Variants in ARRB1 observed in about 807,000 individuals in gnomAD.
ARRB1 encodes the protein beta-arrestin-1.
ARRB1 carries 21 observed loss-of-function variants against 56.8 expected under a neutral mutation model. The ratio of observed to expected loss-of-function variants is 0.37; its 90% CI spans 0.26 to 0.53. ARRB1 has a LOEUF of 0.53. Among genes scored for constraint, ARRB1 ranks in the 20% least tolerant of loss-of-function variants. ARRB1 has a pLI of 0.88. For missense variants in ARRB1, 424 were observed against 553.7 expected (o/e 0.77, Z 2.35); for synonymous variants, 210 against 218.6 (o/e 0.96, Z 0.35).
At chr11:75,296,185 C>CAAAAAAAAAAAAAAAAAAA (rs11428462) in intron 1 of ARRB1, among the ~76,000 whole-genome samples, 1 of 84,886 alleles carries the variant, frequency 1.2e-5, no homozygotes, top group Non-Finnish European at 2.2e-5. Context: ...GACTTTGTCT[C>CAAAAAAAAAAAAAAAAAAA]AAAAAAAAAA....
At chr11:75,298,444 G>A (rs1946815738) in intron 1 of ARRB1, among the ~76,000 whole-genome samples, 1 of 152,098 alleles carries the variant, frequency 6.6e-6, no homozygotes, top group Non-Finnish European at 1.5e-5. Flanking sequence ...CTAAACACAT[G>A]AAAAGATGTT....
chr11:75,273,507 G>A (rs1484002251), intron 11 of ARRB1, among the ~76,000 whole-genome samples: 1 of 152,186 alleles, frequency 6.6e-6, no homozygotes, highest in Non-Finnish European at 1.5e-5. Flanking sequence ...GAAGAGAGCT[G>A]AGTCTGTGCT....
chr11:75,285,634 G>T (rs926997585), intron 3 of ARRB1, among the ~76,000 whole-genome samples: 3 of 152,114 alleles, frequency 2.0e-5, no homozygotes, highest in African/African-American at 7.2e-5. Context: ...CACTATGGGA[G>T]AAGAATCTCT....
chr11:75,346,479 C>T (rs1276904240), intron 1 of ARRB1, among the ~76,000 whole-genome samples: 2 of 151,860 alleles, frequency 1.3e-5, no homozygotes, highest in East Asian at 3.9e-4. Flanking sequence ...CAGCCCAGGG[C>T]CTCACGCCCT....
At chr11:75,342,908 T>C (rs1246808560) in intron 1 of ARRB1, among the ~76,000 whole-genome samples, 4 of 152,188 alleles carry the variant, frequency 2.6e-5, no homozygotes, top group African/African-American at 9.7e-5. Context: ...TCCAGTGACC[T>C]CTGCCCTTTA....
chr11:75,308,636 T>G (rs1256668419), intron 1 of ARRB1, among the ~76,000 whole-genome samples: 1 of 151,994 alleles, frequency 6.6e-6, no homozygotes, highest in Non-Finnish European at 1.5e-5. Flanking sequence ...TGCCAGCTAT[T>G]CGGGAGGCTG....
chr11:75,306,854 AG>A, intron 1 of ARRB1: 2 of 363,678 alleles, frequency 5.5e-6, no homozygotes, highest in South Asian at 4.4e-5. Flanking sequence ...ACAGACGGGC[AG>A]GGGGTGAGGG....
intron 6 of ARRB1, chr11:75,281,620 C>A: frequency 2.8e-6 from 1 of 356,530 alleles, no homozygotes; most frequent in Non-Finnish European, 5.2e-6. Context: ...CCTCAGTTTC[C>A]CCATCTGTGA....
At chr11:75,309,908 G>T (rs929091107) in intron 1 of ARRB1, among the ~76,000 whole-genome samples, 2 of 152,144 alleles carry the variant, frequency 1.3e-5, no homozygotes, top group Non-Finnish European at 2.9e-5. Context: ...GACATACACT[G>T]GGACTTGGTA....
At chr11:75,348,101 GCT>G (rs910967647) in intron 1 of ARRB1, among the ~76,000 whole-genome samples, 40 of 152,268 alleles carry the variant, frequency 2.6e-4, no homozygotes, top group African/African-American at 9.4e-4. Context: ...AGGAGAAAAT[GCT>G]CTCTCCTTAG....
At chr11:75,348,092 G>A (rs1947799637) in intron 1 of ARRB1, among the ~76,000 whole-genome samples, 1 of 152,152 alleles carries the variant, frequency 6.6e-6, no homozygotes, top group Non-Finnish European at 1.5e-5. Context: ...ATCCACTTCA[G>A]GAGAAAATGC....
At chr11:75,316,922 C>A (rs1452513298) in intron 1 of ARRB1, among the ~76,000 whole-genome samples, 1 of 152,012 alleles carries the variant, frequency 6.6e-6, no homozygotes, top group Non-Finnish European at 1.5e-5. Flanking sequence ...AAAAATTAGC[C>A]ATGTGTAGTG....
At chr11:75,285,634 G>A (rs926997585) in intron 3 of ARRB1, among the ~76,000 whole-genome samples, 5 of 152,114 alleles carry the variant, frequency 3.3e-5, no homozygotes. Context: ...CACTATGGGA[G>A]AAGAATCTCT....
intron 13 of ARRB1, chr11:75,270,999 G>C (rs1041492885): frequency 2.0e-5 from 3 of 151,868 alleles, no homozygotes; most frequent in Non-Finnish European, 4.4e-5. Context: ...TTTAGTGGAA[G>C]AATCTGGATC....
intron 2 of ARRB1, 27 bp downstream of exon 2, chr11:75,289,982 C>T (rs1391939860): frequency 8.7e-6 from 14 of 1,613,952 alleles, no homozygotes; most frequent in South Asian, 5.5e-5. Context: ...GTCAGGGAGG[C>T]GCTGGGCGCA....
chr11:75,321,009 GAC>G (rs1047471321), intron 1 of ARRB1, among the ~76,000 whole-genome samples: 12 of 152,228 alleles, frequency 7.9e-5, no homozygotes, highest in African/African-American at 2.9e-4. Context: ...CACGTGCACA[GAC>G]ACACACATAC....
intron 1 of ARRB1, among the ~76,000 whole-genome samples, chr11:75,303,045 AGGCT>A (rs1293710620): frequency 6.6e-6 from 1 of 152,076 alleles, no homozygotes; most frequent in African/African-American, 2.4e-5. Flanking sequence ...TCTGTCACCC[AGGCT>A]GGAGTGGAGT....
chr11:75,346,560 G>T (rs912628270), intron 1 of ARRB1, among the ~76,000 whole-genome samples: 1 of 152,082 alleles, frequency 6.6e-6, no homozygotes, highest in East Asian at 1.9e-4. Flanking sequence ...CTCTCTGCCC[G>T]CTGTAGCCTA....
intron 1 of ARRB1, among the ~76,000 whole-genome samples, chr11:75,341,325 A>T (rs1947689567): frequency 6.6e-6 from 1 of 151,774 alleles, no homozygotes; most frequent in African/African-American, 2.4e-5. Flanking sequence ...TTTAGTAGAG[A>T]CGAGGTTTCA....
Sources: allele counts gnomAD v4.1 joint callset (sites outside exome capture counted in the v4.1 genomes callset), GRCh38; gene constraint gnomAD v4.1.1; transcripts MANE v1.5; gene names NCBI Gene and HGNC (gene_info 2026-07-23, HGNC 2026-07-21).